The following ZBTB20 variants were observed in gnomAD, a reference collection of about 807,000 sequenced individuals.
ZBTB20 encodes the protein zinc finger and BTB domain containing 20, also known as zinc finger and BTB domain-containing protein 20.
A neutral mutation model predicts 56.9 loss-of-function variants in ZBTB20; 9 were observed. That is an observed-to-expected ratio of 0.16 (90% CI 0.10 to 0.28). The LOEUF (loss-of-function observed/expected upper bound fraction) is 0.28, where lower values mean the gene tolerates loss of function less well. Among genes scored for constraint, ZBTB20 ranks in the 10% least tolerant of loss-of-function variants. The pLI is 1.00. For missense variants in ZBTB20, 655 were observed against 1,003.0 expected (o/e 0.65, Z 4.69); for synonymous variants, 417 against 420.7 (o/e 0.99, Z 0.11).
intron 7 of ZBTB20, among the ~76,000 whole-genome samples, chr3:114,477,140 T>C (rs1301989834): frequency 6.6e-6 from 1 of 152,192 alleles, no homozygotes; most frequent in Non-Finnish European, 1.5e-5. Context: ...AAACATCACA[T>C]ATAAACTGAA....
intron 11 of ZBTB20, among the ~76,000 whole-genome samples, chr3:114,347,077 G>GTTT (rs59044965): frequency 1.1e-4 from 8 of 71,064 alleles, no homozygotes; most frequent in South Asian, 9.1e-4. Flanking sequence ...TTCTCTTCAG[G>GTTT]TTTTTTTTTT....
At chr3:115,010,758 A>G (rs563434381) in intron 2 of ZBTB20, among the ~76,000 whole-genome samples, 5 of 151,926 alleles carry the variant, frequency 3.3e-5, no homozygotes, top group Admixed American at 3.3e-4. Context: ...AAGCATCAAC[A>G]CCATCCAGGG....
intron 10 of ZBTB20, among the ~76,000 whole-genome samples, chr3:114,362,457 C>A (rs944040515): frequency 6.6e-6 from 1 of 152,142 alleles, no homozygotes; most frequent in Non-Finnish European, 1.5e-5. Flanking sequence ...AACCTCAGGG[C>A]GCACATTTAC....
chr3:115,012,204 G>A (rs914581435), intron 2 of ZBTB20, among the ~76,000 whole-genome samples: 14 of 151,746 alleles, frequency 9.2e-5, no homozygotes, highest in African/African-American at 3.4e-4. Flanking sequence ...GCGGGAGTAA[G>A]TTCTTACTTA....
At chr3:115,051,904 G>A (rs2081565232) in intron 2 of ZBTB20, among the ~76,000 whole-genome samples, 1 of 152,006 alleles carries the variant, frequency 6.6e-6, no homozygotes. Context: ...CTATGGAGGA[G>A]CAGGAGAGAG....
intron 4 of ZBTB20, among the ~76,000 whole-genome samples, chr3:114,805,794 C>G (rs114580150): frequency 0.012 from 1,751 of 151,926 alleles, 16 homozygotes; most frequent in South Asian, 0.041. Context: ...AATATTTTCT[C>G]TCTCTATAAA....
intron 2 of ZBTB20, among the ~76,000 whole-genome samples, chr3:114,993,183 G>A (rs1364740833): frequency 6.6e-6 from 1 of 151,734 alleles, no homozygotes; most frequent in Non-Finnish European, 1.5e-5. Context: ...AATGAATACA[G>A]AAATATAAAA....
chr3:115,099,759 C>G lies in ZBTB20; in HGVS notation c.-702-28345G>C, dbSNP rs1221809324. On this transcript the variant is annotated intron_variant, in intron 1 of 11. Coordinates refer to ENST00000675478, the MANE Select transcript of ZBTB20 (RefSeq NM_001348800.3). ...CTAAAACTCATTGGCAAATAACTAA[C>G]AAAACCGAGTTAGCAATAAATAAGG... 2.6e-5 allele frequency among the ~76,000 whole-genome samples: 4 copies of G among 152,068 alleles called. No individual in the cohort carries two copies. In the South Asian group the frequency reaches 8.3e-4, roughly 32 times the overall value.
intron 5 of ZBTB20, among the ~76,000 whole-genome samples, chr3:114,795,104 G>A (rs541032164): frequency 6.6e-6 from 1 of 151,234 alleles, no homozygotes; most frequent in African/African-American, 2.4e-5. Context: ...TATCTTAGAA[G>A]GTTGTCAGAG....
chr3:114,343,636 A>G lies in ZBTB20; in HGVS notation c.1805-4210T>C, dbSNP rs1168413670. Among the ~76,000 whole-genome samples the G allele has an allele frequency of 4.6e-5, 7 of 152,346 alleles. No individual in the cohort carries two copies. The East Asian group carries it at 1.2e-3, about 25-fold the overall frequency. On this transcript the variant is annotated intron_variant, in intron 11 of 11. Transcript: ENST00000675478. ...GGTCCTCTGAATGGGGAACATCAAG[A>G]CACGACCAGAAAATGGGGAAGGTTC...
intron 5 of ZBTB20, among the ~76,000 whole-genome samples, chr3:114,746,358 TTTTG>T (rs751987539): frequency 7.2e-5 from 11 of 152,238 alleles, no homozygotes; most frequent in East Asian, 5.8e-4. Context: ...CTGTAGTGTG[TTTTG>T]TTTGTTTGTT....
chr3:114,989,361 C>T (rs1196549467), intron 2 of ZBTB20, among the ~76,000 whole-genome samples: 1 of 152,112 alleles, frequency 6.6e-6, no homozygotes, highest in African/African-American at 2.4e-5. Context: ...AATAGGGAAT[C>T]CTTTCCCTAT....
At chr3:114,659,687 T>C (rs1196447474) in intron 6 of ZBTB20, among the ~76,000 whole-genome samples, 1 of 152,212 alleles carries the variant, frequency 6.6e-6, no homozygotes, top group Non-Finnish European at 1.5e-5. Flanking sequence ...GCTTTTGAAC[T>C]GGCGGTTTGA....
At chr3:114,794,533 T>A (rs1200789786) in intron 5 of ZBTB20, among the ~76,000 whole-genome samples, 2 of 152,106 alleles carry the variant, frequency 1.3e-5, no homozygotes, top group East Asian at 3.9e-4. Flanking sequence ...TTAGAATAAA[T>A]AATTCCTAAG....
chr3:114,349,502 C>T (rs1332005624), intron 11 of ZBTB20, among the ~76,000 whole-genome samples: 2 of 152,146 alleles, frequency 1.3e-5, no homozygotes, highest in South Asian at 2.1e-4. Flanking sequence ...AAATGTTCAT[C>T]CATTCTCTCC....
intron 7 of ZBTB20, among the ~76,000 whole-genome samples, chr3:114,446,691 G>A (rs777701036): frequency 5.3e-5 from 8 of 152,050 alleles, no homozygotes; most frequent in African/African-American, 1.2e-4. Context: ...CTGAGAAGCC[G>A]GCCTGATTGG....
intron 11 of ZBTB20, among the ~76,000 whole-genome samples, chr3:114,342,047 T>C (rs964751992): frequency 3.3e-5 from 5 of 152,238 alleles, no homozygotes; most frequent in African/African-American, 1.2e-4. Context: ...GAAGGTGCTC[T>C]CTATAATTAT....
At chr3:115,033,100 G>T (rs898117343) in intron 2 of ZBTB20, among the ~76,000 whole-genome samples, 3 of 150,190 alleles carry the variant, frequency 2.0e-5, no homozygotes, top group African/African-American at 7.3e-5. Flanking sequence ...ATATTAATAA[G>T]ATTGACAAAC....
At chr3:114,864,764 A>C (rs1034704828) in intron 4 of ZBTB20, among the ~76,000 whole-genome samples, 3 of 152,074 alleles carry the variant, frequency 2.0e-5, no homozygotes, top group Non-Finnish European at 4.4e-5. Context: ...TTTTAAAAGA[A>C]ATTGAGAAGT....
Sources: gnomAD v4.1 joint callset for allele counts (sites outside exome capture counted in the v4.1 genomes callset) on GRCh38, gnomAD v4.1.1 for gene constraint, MANE v1.5 for transcripts, NCBI Gene and HGNC (gene_info 2026-07-23, HGNC 2026-07-21) for gene names.